The following CGGBP1 variants were observed in gnomAD, a reference collection of about 807,000 sequenced individuals.
The protein encoded by CGGBP1 is CGG triplet repeat-binding protein 1.
CGGBP1 carries 4 observed loss-of-function variants against 11.4 expected under a neutral mutation model. The observed-to-expected ratio is 0.35, with a 90% CI of 0.17 to 0.80. The LOEUF (loss-of-function observed/expected upper bound fraction) is 0.80, where lower values mean the gene tolerates loss of function less well. Among genes scored for constraint, CGGBP1 ranks in the 30% least tolerant of loss-of-function variants. CGGBP1 has a pLI of 0.52. For missense variants in CGGBP1, 135 were observed against 202.1 expected (o/e 0.67, Z 2.01); for synonymous variants, 76 against 74.1 (o/e 1.03, Z -0.13).
At chr3:88,139,974 A>G (rs1707019605) in intron 2 of CGGBP1, 1 of 1,613,680 alleles carries the variant, frequency 6.2e-7, no homozygotes, top group South Asian at 1.1e-5. Flanking sequence ...ACATGCAATG[A>G]CCGTACATCC....
intron 2 of CGGBP1, among the ~76,000 whole-genome samples, chr3:88,125,949 T>C (rs914784620): frequency 2.0e-5 from 3 of 152,214 alleles, no homozygotes; most frequent in Non-Finnish European, 4.4e-5. Flanking sequence ...GTATAACCTT[T>C]GGCATTAAAG....
At chr3:88,138,025 A>G (rs1706904291) in intron 2 of CGGBP1, among the ~76,000 whole-genome samples, 1 of 152,154 alleles carries the variant, frequency 6.6e-6, no homozygotes, top group Non-Finnish European at 1.5e-5. Context: ...TTCCCAAGTA[A>G]AAGCTGATGC....
intron 2 of CGGBP1, among the ~76,000 whole-genome samples, chr3:88,078,274 G>A (rs1198518073): frequency 6.6e-6 from 1 of 152,136 alleles, no homozygotes. Context: ...TAGACCCTCT[G>A]CTTTGCATAG....
intron 2 of CGGBP1, among the ~76,000 whole-genome samples, chr3:88,084,824 C>G (rs1459425741): frequency 6.6e-6 from 1 of 152,206 alleles, no homozygotes; most frequent in East Asian, 1.9e-4. Context: ...AAGTCTCATA[C>G]AGTTGACATG....
chr3:88,103,881 C>T (rs1463188099), intron 2 of CGGBP1, among the ~76,000 whole-genome samples: 3 of 151,326 alleles, frequency 2.0e-5, no homozygotes, highest in East Asian at 3.9e-4. Flanking sequence ...ATTCTTCTGC[C>T]TCAGTCTCCC....
intron 2 of CGGBP1, chr3:88,129,738 GA>G: frequency 6.5e-7 from 1 of 1,528,326 alleles, no homozygotes; most frequent in Non-Finnish European, 8.8e-7. Flanking sequence ...CTGTAATGCT[GA>G]AAAAGAAGGC....
chr3:88,106,831 G>C (rs1225134504), intron 2 of CGGBP1, among the ~76,000 whole-genome samples: 1 of 151,964 alleles, frequency 6.6e-6, no homozygotes, highest in African/African-American at 2.4e-5. Flanking sequence ...TATTTGTCCT[G>C]TATAATTTTT....
intron 2 of CGGBP1, among the ~76,000 whole-genome samples, chr3:88,130,670 G>A (rs184640070): frequency 6.3e-4 from 93 of 148,760 alleles, no homozygotes; most frequent in Non-Finnish European, 1.1e-3. Context: ...TGCCCAGGCC[G>A]GTTTGGAACT....
chr3:88,126,725 C>G (rs1199674977), intron 2 of CGGBP1, among the ~76,000 whole-genome samples: 6 of 151,702 alleles, frequency 4.0e-5, no homozygotes, highest in Admixed American at 2.0e-4. Context: ...CTATAGCTAG[C>G]CCAGTGCTTG....
At chr3:88,149,162 G>T (rs1263920355) in intron 1 of CGGBP1, among the ~76,000 whole-genome samples, 3 of 152,178 alleles carry the variant, frequency 2.0e-5, no homozygotes, top group Non-Finnish European at 2.9e-5. Flanking sequence ...AGTAATAACA[G>T]CTAAAGTTTA....
intron 2 of CGGBP1, among the ~76,000 whole-genome samples, chr3:88,077,636 A>G (rs1441432783): frequency 5.9e-5 from 9 of 152,206 alleles, no homozygotes. Flanking sequence ...CTTCTGAGAT[A>G]GGGAAACCTT....
chr3:88,062,748 C>T (rs1442437007), upstream of CGGBP1, among the ~76,000 whole-genome samples: 1 of 152,034 alleles, frequency 6.6e-6, no homozygotes, highest in Admixed American at 6.5e-5. Flanking sequence ...TTATTTCATA[C>T]TACAGTGGGG....
chr3:88,059,537 A>G (rs866477126), upstream of CGGBP1: 28 of 1,457,250 alleles, frequency 1.9e-5, no homozygotes, highest in Middle Eastern at 4.3e-3. Context: ...CCGACTTGTC[A>G]CCCGGGTCCT....
At chr3:88,056,769 G>A (rs1484226610) in intron 3 of CGGBP1, 1 of 152,138 alleles carries the variant, frequency 6.6e-6, no homozygotes, top group Non-Finnish European at 1.5e-5. Flanking sequence ...AGAACATAGA[G>A]TCTAGTATAC....
chr3:88,147,263 T>C (rs932241178), intron 1 of CGGBP1, among the ~76,000 whole-genome samples: 2 of 152,160 alleles, frequency 1.3e-5, no homozygotes, highest in African/African-American at 4.8e-5. Flanking sequence ...AATGCATAAA[T>C]AAGCATGGTG....
rs568023384 is a variant in CGGBP1 at position 88,141,099 on chromosome 3, A to T, written c.-337-21T>A. 5.9e-6 allele frequency: 9 copies of T among 1,524,656 alleles called. No homozygotes were observed. In the South Asian group the frequency reaches 1.2e-4, roughly 20 times the overall value. 94.4% of individuals were successfully genotyped at this position (1,524,656 alleles called of 1,614,324 possible). Reference sequence around the variant, plus strand: ...GGTATCTGTAGAAAGAGAAAATGGCATAAATAAAACTATTATAGATCTTTG... The same window carrying T: ...GGTATCTGTAGAAAGAGAAAATGGCTTAAATAAAACTATTATAGATCTTTG... On this transcript the variant is annotated intron_variant, in intron 1 of 3. Transcript: ENST00000462901.
intron 2 of CGGBP1, among the ~76,000 whole-genome samples, chr3:88,127,371 A>G (rs542561651): frequency 6.6e-6 from 1 of 152,138 alleles, no homozygotes; most frequent in East Asian, 1.9e-4. Context: ...GCTAAGGTAT[A>G]CGTGACAGTG....
Position 88,100,725 on chromosome 3 carries a change from C to G in CGGBP1, c.-229+40245G>C, listed in dbSNP as rs373237639. ...ATCACAAGGAAAGAAAACCAAACACCGCCATGTTCTCACTCATAGGTGGGA... is the reference window on the plus strand; with the variant it reads ...ATCACAAGGAAAGAAAACCAAACACGGCCATGTTCTCACTCATAGGTGGGA... On this transcript the variant is annotated intron_variant, in intron 2 of 3. Coordinates refer to the CGGBP1 transcript ENST00000462901. Among the ~76,000 whole-genome samples the G allele has an allele frequency of 4.1e-4, 62 of 152,082 alleles. No homozygotes were observed. In the East Asian group the frequency reaches 7.5e-3, roughly 18 times the overall value.
At chr3:88,096,359 C>T (rs1372961067) in intron 2 of CGGBP1, among the ~76,000 whole-genome samples, 2 of 151,888 alleles carry the variant, frequency 1.3e-5, no homozygotes, top group Non-Finnish European at 1.5e-5. Flanking sequence ...GAAGCAGCAC[C>T]GATTTGTGTG....
Sources: gnomAD v4.1 joint callset for allele counts (sites outside exome capture counted in the v4.1 genomes callset) on GRCh38, gnomAD v4.1.1 for gene constraint, MANE v1.5 for transcripts, NCBI Gene and HGNC (gene_info 2026-07-23, HGNC 2026-07-21) for gene names.